The following MINDY3 variants were observed in gnomAD, a reference collection of about 807,000 sequenced individuals.
The protein encoded by MINDY3 is MINDY lysine 48 deubiquitinase 3, also known as ubiquitin carboxyl-terminal hydrolase MINDY-3.
A neutral mutation model predicts 69.2 loss-of-function variants in MINDY3; 38 were observed. The observed-to-expected ratio is 0.55, with a 90% CI of 0.42 to 0.72. The LOEUF (loss-of-function observed/expected upper bound fraction) is 0.72, where lower values mean the gene tolerates loss of function less well. Among genes scored for constraint, MINDY3 ranks in the 30% least tolerant of loss-of-function variants. The probability of loss-of-function intolerance (pLI) is 0.00; values close to 1 mark genes in which losing one functional copy is unlikely to be tolerated. For synonymous variants in MINDY3, 192 were observed against 180.1 expected (o/e 1.07, Z -0.53); for missense variants, 522 against 519.0 (o/e 1.01, Z -0.06).
At chr10:15,790,642 C>T (rs1292695792) in intron 11 of MINDY3, among the ~76,000 whole-genome samples, 1 of 152,112 alleles carries the variant, frequency 6.6e-6, no homozygotes, top group East Asian at 1.9e-4. Flanking sequence ...AGGCTATATC[C>T]ATTTGATATT....
Position 15,838,227 on chromosome 10 carries a change from C to T in MINDY3, c.461+1G>A, listed in dbSNP as rs1471337029. On this transcript the variant is annotated splice_donor_variant, in intron 5 of 14. Transcript: ENST00000277632. LOFTEE classifies it high-confidence loss of function. ...ATTTTAAATGTTCCAATGTTACTTA[C>T]TGAATTAATGCATGAAATCGCTCAA... The T allele has an allele frequency of 1.2e-6, 2 of 1,601,600 alleles. No individual in the cohort carries two copies. The highest frequency in any genetic ancestry group is 1.7e-6 in the Non-Finnish European group (2 of 1,175,182).
intron 6 of MINDY3, among the ~76,000 whole-genome samples, chr10:15,835,913 G>A (rs1280981580): frequency 1.3e-5 from 2 of 151,844 alleles, no homozygotes; most frequent in Admixed American, 6.6e-5. Context: ...CCTGACTCTA[G>A]TCTTATATTA....
chr10:15,836,136 C>A (rs1833066546), intron 6 of MINDY3, among the ~76,000 whole-genome samples: 1 of 152,052 alleles, frequency 6.6e-6, no homozygotes, highest in Non-Finnish European at 1.5e-5. Context: ...AGTTGCCTCT[C>A]TGGTGTCTTA....
chr10:15,850,918 C>G (rs1351605438), intron 1 of MINDY3, among the ~76,000 whole-genome samples: 7 of 152,098 alleles, frequency 4.6e-5, no homozygotes, highest in Non-Finnish European at 8.8e-5. Flanking sequence ...CCCTTTATTT[C>G]TCAGACCAGC....
At chr10:15,809,029 G>C (rs1388459098) in intron 10 of MINDY3, among the ~76,000 whole-genome samples, 1 of 152,124 alleles carries the variant, frequency 6.6e-6, no homozygotes, top group Non-Finnish European at 1.5e-5. Flanking sequence ...ATTTAAAGTA[G>C]ATTTTCAGAT....
chr10:15,796,318 C>G, intron 10 of MINDY3, 146 bp from the exon 11 acceptor site: 2 of 636,958 alleles, frequency 3.1e-6, no homozygotes, highest in Admixed American at 2.6e-5. Flanking sequence ...CGAGATAGGT[C>G]ATAAACTCTC....
intron 12 of MINDY3, among the ~76,000 whole-genome samples, chr10:15,787,540 C>T (rs949913141): frequency 3.3e-5 from 5 of 152,112 alleles, no homozygotes; most frequent in South Asian, 2.1e-4. Flanking sequence ...TTTGCCTCTT[C>T]GGTCTGGGTC....
intron 8 of MINDY3, among the ~76,000 whole-genome samples, chr10:15,822,086 T>G (rs950707836): frequency 6.6e-6 from 1 of 152,150 alleles, no homozygotes; most frequent in South Asian, 2.1e-4. Flanking sequence ...AAGGGCTAAC[T>G]TGAATTGACT....
chr10:15,805,734 T>C (rs2131930160), intron 10 of MINDY3, among the ~76,000 whole-genome samples: 1 of 152,242 alleles, frequency 6.6e-6, no homozygotes, highest in East Asian at 1.9e-4. Flanking sequence ...TGCCACTATC[T>C]GGTTTGGCCA....
intron 1 of MINDY3, among the ~76,000 whole-genome samples, chr10:15,852,795 T>C (rs1834394308): frequency 6.6e-6 from 1 of 152,120 alleles, no homozygotes; most frequent in Non-Finnish European, 1.5e-5. Flanking sequence ...TATCCATAGG[T>C]TTGGCGACCA....
intron 11 of MINDY3, among the ~76,000 whole-genome samples, chr10:15,792,325 T>C (rs537984623): frequency 5.3e-5 from 8 of 152,220 alleles, no homozygotes; most frequent in Admixed American, 4.6e-4. Context: ...GGTTGACTCA[T>C]AGCTGCTCGT....
chr10:15,822,335 TAC>T (rs147987726), intron 8 of MINDY3, among the ~76,000 whole-genome samples: 2,585 of 151,470 alleles, frequency 0.017, 53 homozygotes, highest in African/African-American at 0.056. Context: ...GGTCTCTCTG[TAC>T]ACACACACAC....
intron 14 of MINDY3, among the ~76,000 whole-genome samples, chr10:15,780,520 G>C (rs1003751502): frequency 7.2e-5 from 11 of 152,186 alleles, no homozygotes; most frequent in Non-Finnish European, 1.5e-4. Flanking sequence ...TAGAGCAGAA[G>C]TGCTTGGGCA....
chr10:15,845,585 G>T (rs1381451359), intron 2 of MINDY3, among the ~76,000 whole-genome samples: 1 of 151,754 alleles, frequency 6.6e-6, no homozygotes, highest in African/African-American at 2.4e-5. Context: ...CTGCAGCCCT[G>T]AACTCCTGAG....
At chr10:15,793,884 G>A (rs935753379) in intron 11 of MINDY3, among the ~76,000 whole-genome samples, 2 of 152,174 alleles carry the variant, frequency 1.3e-5, no homozygotes, top group Admixed American at 1.3e-4. Flanking sequence ...TTCATACCAG[G>A]TTTATGCTCC....
chr10:15,781,090 C>T (rs547467091), intron 14 of MINDY3, among the ~76,000 whole-genome samples: 13 of 152,156 alleles, frequency 8.5e-5, no homozygotes, highest in Admixed American at 7.2e-4. Context: ...AGCACTCATT[C>T]GCACATTAGA....
chr10:15,808,409 T>G (rs1011370807), intron 10 of MINDY3, among the ~76,000 whole-genome samples: 4 of 152,194 alleles, frequency 2.6e-5, no homozygotes, highest in African/African-American at 9.6e-5. Flanking sequence ...CAGCTTTTCC[T>G]TAACACCGTT....
intron 10 of MINDY3, among the ~76,000 whole-genome samples, chr10:15,812,389 CAGA>C (rs1469665708): frequency 4.6e-5 from 7 of 152,158 alleles, no homozygotes; most frequent in Non-Finnish European, 8.8e-5. Flanking sequence ...TTACCCCATA[CAGA>C]AGGTTAAATT....
At chr10:15,779,487 T>C (rs552502717) in intron 14 of MINDY3, among the ~76,000 whole-genome samples, 1 of 152,172 alleles carries the variant, frequency 6.6e-6, no homozygotes, top group Non-Finnish European at 1.5e-5. Flanking sequence ...ACATATAATT[T>C]ATACAGGTCC....
Sources: allele counts gnomAD v4.1 joint callset (sites outside exome capture counted in the v4.1 genomes callset), GRCh38; gene constraint gnomAD v4.1.1; transcripts MANE v1.5; gene names NCBI Gene and HGNC (gene_info 2026-07-23, HGNC 2026-07-21).